The following MPDZ variants were observed in gnomAD, a reference collection of about 807,000 sequenced individuals.
The protein encoded by MPDZ is multiple PDZ domain protein.
MPDZ carries 234 observed loss-of-function variants against 239.1 expected under a neutral mutation model. The observed-to-expected ratio is 0.98, with a 90% CI of 0.88 to 1.09. MPDZ has a LOEUF of 1.09. Ranked by LOEUF, MPDZ falls within the 50% of genes least tolerant of loss-of-function variation. MPDZ has a pLI of 0.00. For synonymous variants in MPDZ, 1,048 were observed against 881.3 expected, an observed-to-expected ratio of 1.19 and a Z score of -3.35; for missense variants, 3,175 against 2,510.0, an observed-to-expected ratio of 1.26 and a Z score of -5.66.
chr9:13,108,721 G>T (rs1045581271), intron 46 of MPDZ, among the ~76,000 whole-genome samples: 3 of 152,062 alleles, frequency 2.0e-5, no homozygotes. Context: ...GAGTTTCCAT[G>T]GAGTTTCAAT....
chr9:13,211,281 A>C (rs1957585215), intron 10 of MPDZ, among the ~76,000 whole-genome samples: 1 of 152,098 alleles, frequency 6.6e-6, no homozygotes, highest in Admixed American at 6.6e-5. Context: ...TTCCCCATTA[A>C]AAATTAAAAG....
At chr9:13,249,926 A>C (rs954047301) in intron 2 of MPDZ, among the ~76,000 whole-genome samples, 1 of 152,338 alleles carries the variant, frequency 6.6e-6, no homozygotes, top group Admixed American at 6.5e-5. Flanking sequence ...ACCTGCCAGA[A>C]GTAAAAGTAA....
intron 24 of MPDZ, among the ~76,000 whole-genome samples, chr9:13,153,576 A>G (rs945430779): frequency 1.3e-5 from 2 of 152,024 alleles, no homozygotes; most frequent in African/African-American, 4.8e-5. Context: ...AAGCTCAAGT[A>G]ATCTTCCCAT....
At position 13,277,826 on chromosome 9, in the gene MPDZ, A is replaced by T. The variant is rs186713799; in HGVS notation, c.-58+1574T>A. On this transcript the variant is annotated intron_variant, in intron 1 of 46. Transcript: ENST00000319217. ...GTGATCCACCCACCTCGGTCTCCCA[A>T]AGTGCTGGGATTACAAGCGTGAGCC... Among the ~76,000 whole-genome samples, 77 of 152,244 alleles carry T rather than the reference A, an allele frequency of 5.1e-4. 1 individual carries two copies. The highest frequency in any genetic ancestry group is 1.8e-3 in the African/African-American group (73 of 41,562).
At chr9:13,154,398 C>T (rs1489255444) in intron 24 of MPDZ, among the ~76,000 whole-genome samples, 2 of 152,138 alleles carry the variant, frequency 1.3e-5, no homozygotes, top group African/African-American at 2.4e-5. Flanking sequence ...CAGGAAGACA[C>T]AGGTAAAACA....
chr9:13,224,540 T>G lies in MPDZ; in HGVS notation c.227A>C (p.His76Pro). The change falls in exon 4 of 47, where the codon CAC becomes CCC. Residue 76 changes from histidine to proline, a missense_variant. By Grantham distance (77) the His-to-Pro change is moderately conservative. Coordinates refer to ENST00000319217, the MANE Select transcript of MPDZ (RefSeq NM_001378778.1). ...TSATSNIEYA[H>P]VPHLSPAVIP... ...CACAGCTGGGCTGAGATGAGGAACGTGGGCATATTCAATATTTGAAGTTGC... is the reference window on the plus strand; with the variant it reads ...CACAGCTGGGCTGAGATGAGGAACGGGGGCATATTCAATATTTGAAGTTGC... 1 of 1,612,454 alleles carries G rather than the reference T, an allele frequency of 6.2e-7. No homozygotes were observed. The highest frequency in any genetic ancestry group is 8.5e-7 in the Non-Finnish European group (1 of 1,179,094).
At chr9:13,182,853 C>G (rs1261615658) in intron 19 of MPDZ, among the ~76,000 whole-genome samples, 1 of 152,020 alleles carries the variant, frequency 6.6e-6, no homozygotes, top group Non-Finnish European at 1.5e-5. Context: ...ATAAATGGCA[C>G]AGATATGTCA....
At chr9:13,231,813 A>G (rs553965976) in intron 3 of MPDZ, among the ~76,000 whole-genome samples, 15 of 152,270 alleles carry the variant, frequency 9.9e-5, no homozygotes, top group African/African-American at 3.6e-4. Flanking sequence ...AAAGCTATAG[A>G]TCATAAACAT....
chr9:13,223,418 A>C (rs1959430489), intron 5 of MPDZ, among the ~76,000 whole-genome samples, 153 bp downstream of exon 5: 1 of 152,124 alleles, frequency 6.6e-6, no homozygotes, highest in African/African-American at 2.4e-5. Flanking sequence ...CTATTTTATC[A>C]CAACAATGTT....
At chr9:13,112,366 TA>T (rs1218260564) in intron 42 of MPDZ, among the ~76,000 whole-genome samples, 1 of 152,154 alleles carries the variant, frequency 6.6e-6, no homozygotes. Context: ...CAAGACATGC[TA>T]AATGAAAATC....
At chr9:13,271,404 G>A (rs1972926665) in intron 1 of MPDZ, among the ~76,000 whole-genome samples, 1 of 152,092 alleles carries the variant, frequency 6.6e-6, no homozygotes, top group African/African-American at 2.4e-5. Flanking sequence ...CGGAAGACAG[G>A]AGCACTCTCT....
chr9:13,203,709 G>A (rs1223845514), intron 12 of MPDZ, among the ~76,000 whole-genome samples: 1 of 145,602 alleles, frequency 6.9e-6, no homozygotes, highest in Non-Finnish European at 1.5e-5. Flanking sequence ...TAGGTCTATA[G>A]TCACCCCCAT....
At chr9:13,205,241 T>C (rs59347224) in intron 11 of MPDZ, 134 bp from the exon 12 acceptor site, 31 of 482,862 alleles carry the variant, frequency 6.4e-5, no homozygotes, top group African/African-American at 6.1e-4. Flanking sequence ...AATAACTATA[T>C]GTACTTAAAG....
chr9:13,200,254 C>A (rs1051468531), intron 12 of MPDZ, among the ~76,000 whole-genome samples: 1 of 151,886 alleles, frequency 6.6e-6, no homozygotes, highest in Non-Finnish European at 1.5e-5. Context: ...TCATAATAGT[C>A]TCTAACAATC....
intron 1 of MPDZ, among the ~76,000 whole-genome samples, chr9:13,265,349 C>T (rs535176942): frequency 6.6e-6 from 1 of 152,316 alleles, no homozygotes; most frequent in Non-Finnish European, 1.5e-5. Context: ...GCGGTCAGAT[C>T]ACCTGAGGTC....
intron 39 of MPDZ, among the ~76,000 whole-genome samples, chr9:13,116,141 A>C (rs73649148): frequency 0.021 from 3,261 of 152,194 alleles, 106 homozygotes; most frequent in African/African-American, 0.072. Flanking sequence ...CATGAACTGA[A>C]GACAATCTTT....
At chr9:13,256,442 C>T (rs916059927) in intron 1 of MPDZ, among the ~76,000 whole-genome samples, 4 of 152,184 alleles carry the variant, frequency 2.6e-5, no homozygotes, top group East Asian at 1.9e-4. Flanking sequence ...TTTCAACATG[C>T]CTTCTTCACT....
At position 13,123,134 on chromosome 9, in the gene MPDZ, A is replaced by C. The variant is rs775737820; in HGVS notation, c.4953+19T>G. 3.8e-6 allele frequency: 6 copies of C among 1,599,328 alleles called. No individual in the cohort carries two copies. The Admixed American group carries it at 1.0e-4, about 27-fold the overall frequency. Reference sequence around the variant, plus strand: ...GCTGAAGGACGGCCTGTACAGAAGCACCTCTGGGTGGTGCTCACCAGCAGC... The same window carrying C: ...GCTGAAGGACGGCCTGTACAGAAGCCCCTCTGGGTGGTGCTCACCAGCAGC... On this transcript the variant is annotated intron_variant, in intron 36 of 46. Coordinates refer to ENST00000319217, the MANE Select transcript of MPDZ (RefSeq NM_001378778.1).
chr9:13,112,872 G>C, intron 42 of MPDZ, 139 bp downstream of exon 42: 1 of 849,330 alleles, frequency 1.2e-6, no homozygotes. Context: ...ACTACATTAT[G>C]TTATTTCACA....
Sources: allele counts gnomAD v4.1 joint callset (sites outside exome capture counted in the v4.1 genomes callset), GRCh38; gene constraint gnomAD v4.1.1; transcripts MANE v1.5; gene names NCBI Gene and HGNC (gene_info 2026-07-23, HGNC 2026-07-21).